The following EYS variants were observed in gnomAD, a reference collection of about 807,000 sequenced individuals.
EYS encodes the protein protein eyes shut homolog.
Under a neutral mutation model 282.1 loss-of-function variants are expected in EYS, and 250 were observed. The ratio of observed to expected loss-of-function variants is 0.89; its 90% CI spans 0.80 to 0.98. EYS has a LOEUF of 0.98. Among genes scored for constraint, EYS ranks in the 50% least tolerant of loss-of-function variants. The pLI is 0.00. For synonymous variants in EYS, 1,355 were observed against 1,282.9 expected (o/e 1.06, Z -1.20); for missense variants, 4,016 against 3,709.0 (o/e 1.08, Z -2.15).
chr6:64,747,412 T>C (rs545558621), intron 22 of EYS, among the ~76,000 whole-genome samples: 1 of 152,210 alleles, frequency 6.6e-6, no homozygotes, highest in Non-Finnish European at 1.5e-5. Flanking sequence ...TCTGACTCTG[T>C]AGCCCAGGCT....
chr6:65,274,142 G>A (rs2150268597), intron 12 of EYS, among the ~76,000 whole-genome samples: 1 of 152,294 alleles, frequency 6.6e-6, no homozygotes, highest in East Asian at 1.9e-4. Context: ...TACATACTCA[G>A]CAGCTGACTT....
chr6:65,306,377 G>C (rs1409464919), intron 11 of EYS, among the ~76,000 whole-genome samples: 1 of 152,166 alleles, frequency 6.6e-6, no homozygotes, highest in Non-Finnish European at 1.5e-5. Flanking sequence ...TTTATGTATC[G>C]ACACACCTCT....
At chr6:65,214,158 CAAAAAAAAA>C (rs58213904) in intron 12 of EYS, among the ~76,000 whole-genome samples, 2 of 29,242 alleles carry the variant, frequency 6.8e-5, no homozygotes, top group Admixed American at 1.5e-3. Context: ...GACTCCGTCT[CAAAAAAAAA>C]AAAAAAAAAA....
At chr6:63,831,793 C>A (rs1771646340) in intron 36 of EYS, among the ~76,000 whole-genome samples, 1 of 152,102 alleles carries the variant, frequency 6.6e-6, no homozygotes, top group Admixed American at 6.6e-5. Context: ...ACACTTATTC[C>A]AAAATTGACC....
At chr6:64,411,123 A>G (rs1334599976) in intron 28 of EYS, among the ~76,000 whole-genome samples, 1 of 152,126 alleles carries the variant, frequency 6.6e-6, no homozygotes, top group African/African-American at 2.4e-5. Context: ...GGATGTTGAA[A>G]AGCCATAGTT....
chr6:64,985,684 A>G (rs1770836436), intron 14 of EYS, among the ~76,000 whole-genome samples: 1 of 151,628 alleles, frequency 6.6e-6, no homozygotes, highest in Non-Finnish European at 1.5e-5. Context: ...TGGACACAAT[A>G]TGAGTTTCAG....
chr6:65,198,222 C>G (rs1765816336), intron 12 of EYS, among the ~76,000 whole-genome samples: 1 of 152,066 alleles, frequency 6.6e-6, no homozygotes, highest in African/African-American at 2.4e-5. Context: ...TCTTGTCCCA[C>G]TGGAAGGTGT....
intron 26 of EYS, among the ~76,000 whole-genome samples, chr6:64,548,003 C>A (rs980789058): frequency 6.6e-6 from 1 of 152,226 alleles, no homozygotes; most frequent in Non-Finnish European, 1.5e-5. Flanking sequence ...CATGCCCACC[C>A]AGAACTCGTG....
intron 12 of EYS, among the ~76,000 whole-genome samples, chr6:65,291,148 C>A (rs1768514200): frequency 6.6e-6 from 1 of 151,498 alleles, no homozygotes; most frequent in South Asian, 2.1e-4. Flanking sequence ...GTAAGATACA[C>A]TTCTCAGGAA....
At chr6:64,992,878 C>A (rs12524397) in intron 14 of EYS, among the ~76,000 whole-genome samples, 1 of 151,894 alleles carries the variant, frequency 6.6e-6, no homozygotes, top group African/African-American at 2.4e-5. Context: ...AGAAGAGAAC[C>A]TAGAGGTTTT....
At chr6:64,700,263 C>G (rs1176869722) in intron 22 of EYS, among the ~76,000 whole-genome samples, 3 of 151,736 alleles carry the variant, frequency 2.0e-5, no homozygotes, top group Non-Finnish European at 4.4e-5. Flanking sequence ...TAAGGCAAAC[C>G]CACAACCCAC....
At chr6:64,656,032 T>C (rs1172132491) in intron 22 of EYS, among the ~76,000 whole-genome samples, 1 of 152,188 alleles carries the variant, frequency 6.6e-6, no homozygotes, top group East Asian at 1.9e-4. Flanking sequence ...CACTTTTATG[T>C]TTGCTTCTAT....
At chr6:64,097,525 G>A (rs1282931624) in intron 31 of EYS, among the ~76,000 whole-genome samples, 1 of 152,146 alleles carries the variant, frequency 6.6e-6, no homozygotes, top group Non-Finnish European at 1.5e-5. Flanking sequence ...AATGAACAAG[G>A]CTGCGTGGGT....
chr6:65,353,190 C>T (rs1764352595), intron 9 of EYS, among the ~76,000 whole-genome samples: 1 of 151,950 alleles, frequency 6.6e-6, no homozygotes, highest in African/African-American at 2.4e-5. Context: ...TAACCACTCC[C>T]TTCCAACAAA....
At chr6:63,808,144 G>A (rs564978399) in intron 36 of EYS, among the ~76,000 whole-genome samples, 1 of 152,150 alleles carries the variant, frequency 6.6e-6, no homozygotes, top group African/African-American at 2.4e-5. Context: ...GTCACTCAAG[G>A]GATTAGTGTG....
chr6:64,936,221 T>G (rs1344106765), intron 15 of EYS, among the ~76,000 whole-genome samples: 1 of 151,480 alleles, frequency 6.6e-6, no homozygotes, highest in Non-Finnish European at 1.5e-5. Context: ...TGACAGCATT[T>G]GAAAACATTC....
chr6:64,191,785 A>G (rs1487276048), intron 31 of EYS, among the ~76,000 whole-genome samples: 1 of 151,632 alleles, frequency 6.6e-6, no homozygotes, highest in Non-Finnish European at 1.5e-5. Context: ...GCCGCAGTAA[A>G]CATACGTGTG....
At chr6:64,840,084 A>G (rs1339653840) in intron 19 of EYS, among the ~76,000 whole-genome samples, 1 of 152,094 alleles carries the variant, frequency 6.6e-6, no homozygotes, top group Non-Finnish European at 1.5e-5. Context: ...TTATGAACTC[A>G]AATATGGAGT....
intron 12 of EYS, among the ~76,000 whole-genome samples, chr6:65,139,138 T>C (rs111416802): frequency 0.033 from 5,097 of 152,164 alleles, 121 homozygotes; most frequent in African/African-American, 0.07. Flanking sequence ...ACACATATGT[T>C]CATCGCAGCA....
Sources: gnomAD v4.1 joint callset for allele counts (sites outside exome capture counted in the v4.1 genomes callset) on GRCh38, gnomAD v4.1.1 for gene constraint, MANE v1.5 for transcripts, NCBI Gene and HGNC (gene_info 2026-07-23, HGNC 2026-07-21) for gene names.